The following ACAN variants were observed in gnomAD, a reference collection of about 807,000 sequenced individuals.
The protein encoded by ACAN is aggrecan core protein.
Under a neutral mutation model 169.1 loss-of-function variants are expected in ACAN, and 47 were observed. The observed-to-expected ratio is 0.28, with a 90% confidence interval of 0.22 to 0.35. The LOEUF (loss-of-function observed/expected upper bound fraction) is 0.35, where lower values mean the gene tolerates loss of function less well. Ranked by LOEUF, ACAN falls within the 10% of genes least tolerant of loss-of-function variation. The pLI, the probability that ACAN is intolerant of heterozygous loss-of-function variation, is 1.00. For synonymous variants in ACAN, 1,115 were observed against 1,112.2 expected, an observed-to-expected ratio of 1.00 and a Z score of -0.05; for missense variants, 2,716 against 2,759.9, an observed-to-expected ratio of 0.98 and a Z score of 0.36.
rs1050650239 is a variant in ACAN, at chr15:88,860,227, G to A, written c.6833-99G>A. The stretch of plus-strand genomic sequence containing the variant: ...AGTGCTGACCCAAAGCCAGCCTCGT[G>A]GACTTCAGGAACCTCATGCCCCAAC... On this transcript the variant is annotated intron_variant, in intron 12 of 18. Coordinates refer to ENST00000560601, the MANE Select transcript of ACAN (RefSeq NM_001369268.1). 5.4e-5 allele frequency: 43 copies of A among 794,158 alleles called. 2 individuals carry two copies. The South Asian group carries it at 7.7e-4, about 14-fold the overall frequency. 49.2% of individuals were successfully genotyped at this position (794,158 alleles called of 1,614,324 possible).
chr15:88,811,200 T>G (rs1895812434), intron 1 of ACAN, among the ~76,000 whole-genome samples: 1 of 152,230 alleles, frequency 6.6e-6, no homozygotes, highest in African/African-American at 2.4e-5. Flanking sequence ...TAGTTAATTT[T>G]GGGTCTCTTC....
chr15:88,858,900 C>G lies in ACAN; in HGVS notation c.6315C>G (p.Ala2105=). 6.2e-7 allele frequency: 1 copy of G among 1,609,224 alleles called. No individual in the cohort carries two copies. The highest frequency in any genetic ancestry group is 8.5e-7 in the Non-Finnish European group (1 of 1,176,648). The change falls in exon 12 of 19, where the codon GCC becomes GCG. Residue 2105 remains alanine (A), a synonymous_variant. Transcript: ENST00000560601. This position sits in a 1 kb window ranked among gnomAD's most constrained non-coding sequence, Gnocchi z 4.0. ...CAGAATCTAGCAGTGAGACGTCCGC[C>G]TATCCTGAAGCTGGGTTCGGGGCAT... ...SVPESSSETS[A]YPEAGFGASA...
chr15:88,850,481 A>G (rs1896906266), intron 10 of ACAN: 1 of 152,348 alleles, frequency 6.6e-6, no homozygotes, highest in Non-Finnish European at 1.5e-5. Flanking sequence ...GGGTGCATGG[A>G]CCAGAATGTA....
chr15:88,845,104 T>G (rs11853604), intron 6 of ACAN, among the ~76,000 whole-genome samples: 3,154 of 152,336 alleles, frequency 0.021, 99 homozygotes, highest in African/African-American at 0.07. Flanking sequence ...TGCAAGATTT[T>G]CTGATTTCTC....
Position 88,874,708 on chromosome 15 carries a change from T to C in ACAN, c.*227T>C. Reference sequence around the variant, plus strand: ...GAATGCCAAAGCAAAGCAAACTTATTATAACCCTTGGACTGAGTTTAGAGA... The same window carrying C: ...GAATGCCAAAGCAAAGCAAACTTATCATAACCCTTGGACTGAGTTTAGAGA... On this transcript the variant is annotated 3_prime_UTR_variant, in exon 19 of 19. Transcript: ENST00000560601. The surrounding 1 kb of genome is among the most constrained non-coding windows in gnomAD (Gnocchi z 7.3). 1 of 631,502 alleles carries C rather than the reference T, an allele frequency of 1.6e-6. No homozygotes were observed. 39.1% of individuals were successfully genotyped at this position (631,502 alleles called of 1,614,324 possible).
chr15:88,835,634 G>A (rs555626645), intron 1 of ACAN, among the ~76,000 whole-genome samples: 4 of 152,176 alleles, frequency 2.6e-5, no homozygotes, highest in Non-Finnish European at 5.9e-5. Flanking sequence ...AGGAAGAGCA[G>A]ATGTTTCAAT....
In ACAN at chr15:88,849,348, A is replaced by G; in HGVS notation, c.1733-90A>G. On this transcript the variant is annotated intron_variant, in intron 9 of 18. Transcript: ENST00000560601. This position sits in a 1 kb window ranked among gnomAD's most constrained non-coding sequence, Gnocchi z 5.1. ...GGGCTGGGTCTTAGCCCTGGTGAGG[A>G]GGGTTAGAGGAACTCTGTCCTGGGT... 7.7e-7 allele frequency: 1 copy of G among 1,299,506 alleles called. No homozygotes were observed. Among genetic ancestry groups the G allele is most frequent in the Non-Finnish European group, 1.0e-6 (1 of 972,722 alleles). 80.5% of individuals were successfully genotyped at this position (1,299,506 alleles called of 1,614,324 possible). A position where few individuals can be genotyped will look rare whatever the true frequency, so the allele number is the denominator to read the frequency against.
Position 88,873,122 on chromosome 15 carries a change from C to A in ACAN, c.7447+97C>A. On this transcript the variant is annotated intron_variant, in intron 17 of 18. Coordinates refer to ENST00000560601, the MANE Select transcript of ACAN (RefSeq NM_001369268.1). The surrounding 1 kb of genome is among the most constrained non-coding windows in gnomAD (Gnocchi z 7.5). ...GTGTGGCCTGGGGTGAGTCCCTTGT[C>A]TTCTGGCTGCTGGTGTCTCCTCACT... The A allele has an allele frequency of 6.9e-7, 1 of 1,439,308 alleles. No individual in the cohort carries two copies. Among genetic ancestry groups the A allele is most frequent in the Non-Finnish European group, 9.4e-7 (1 of 1,069,138 alleles). 89.2% of individuals were successfully genotyped at this position (1,439,308 alleles called of 1,614,324 possible).
At position 88,847,250 on chromosome 15, in the gene ACAN, C is replaced by A; in HGVS notation, c.1437C>A (p.Val479=). ...PGQPHLPGGV[V]FHYRPGPTRY... Reference sequence around the variant, plus strand: ...TCCCTCCTCCCCACCCAGGGGTCGTCTTCCACTACCGCCCGGGACCCACCC... The same window carrying A: ...TCCCTCCTCCCCACCCAGGGGTCGTATTCCACTACCGCCCGGGACCCACCC... The change falls in exon 8 of 19, where the codon GTC becomes GTA. Residue 479 remains valine, a synonymous_variant. Transcript: ENST00000560601. 1 of 1,547,912 alleles carries A rather than the reference C, an allele frequency of 6.5e-7. No homozygotes were observed. The highest frequency in any genetic ancestry group is 2.4e-5 in the East Asian group (1 of 41,010).
At chr15:88,844,294 C>CTTTTT (rs71149235) in intron 6 of ACAN, among the ~76,000 whole-genome samples, 2 of 104,676 alleles carry the variant, frequency 1.9e-5, no homozygotes, top group African/African-American at 7.2e-5. Context: ...CCATGCTTTG[C>CTTTTT]TTTTTTTTTT....
At chr15:88,824,140 C>G (rs1351887674) in intron 1 of ACAN, among the ~76,000 whole-genome samples, 2 of 152,028 alleles carry the variant, frequency 1.3e-5, no homozygotes, top group Non-Finnish European at 2.9e-5. Context: ...CTGGCTAACA[C>G]AGTGAAACCC....
At chr15:88,811,083 C>G (rs917897057) in intron 1 of ACAN, among the ~76,000 whole-genome samples, 1 of 152,160 alleles carries the variant, frequency 6.6e-6, no homozygotes, top group African/African-American at 2.4e-5. Context: ...TCCCTTGGTT[C>G]TCCAAGGTGG....
intron 1 of ACAN, among the ~76,000 whole-genome samples, chr15:88,820,515 T>C (rs1200268113): frequency 6.6e-6 from 1 of 152,202 alleles, no homozygotes; most frequent in African/African-American, 2.4e-5. Context: ...TTTCTAACTT[T>C]ATTTAATGCT....
At position 88,849,952 on chromosome 15, in the gene ACAN, A is replaced by T; in HGVS notation, c.2026+221A>T. The T allele has an allele frequency of 2.9e-6, 2 of 683,754 alleles. No homozygotes were observed. Among genetic ancestry groups the T allele is most frequent in the Non-Finnish European group, 5.2e-6 (2 of 385,444 alleles). The allele number at this position is 683,754 out of a possible 1,614,324, so 42.4% of individuals were successfully genotyped here. On this transcript the variant is annotated intron_variant, in intron 10 of 18. Coordinates refer to ENST00000560601, the MANE Select transcript of ACAN (RefSeq NM_001369268.1). This position sits in a 1 kb window ranked among gnomAD's most constrained non-coding sequence, Gnocchi z 5.1. ...CAGAGACAAGTAGAGATAAATAAGAACTTGAGCTGGTATTTATGTCTACTA... is the reference window on the plus strand; with the variant it reads ...CAGAGACAAGTAGAGATAAATAAGATCTTGAGCTGGTATTTATGTCTACTA...
Position 88,857,984 on chromosome 15 carries a change from C to T in ACAN, c.5399C>T (p.Ser1800Leu), listed in dbSNP as rs1897099210. ...GTCCCTGATCTCAGTGGGCAGCCTT[C>T]AGGGTTACCAGGGTTCAGTGGGGCA... is the stretch of plus-strand genomic sequence containing the variant. ...SGVPDLSGQP[S>L]GLPGFSGATS... Residue 1800 changes from serine (S) to leucine (L), a missense_variant, in exon 12 of 19, where the codon TCA becomes TTA. By Grantham distance (145) the Ser-to-Leu change is moderately radical (BLOSUM62 -2). Transcript: ENST00000560601. 6.2e-7 allele frequency: 1 copy of T among 1,613,794 alleles called. No individual in the cohort carries two copies. Among genetic ancestry groups the T allele is most frequent in the Non-Finnish European group, 8.5e-7 (1 of 1,179,896 alleles).
At chr15:88,811,395 G>T (rs538905076) in intron 1 of ACAN, among the ~76,000 whole-genome samples, 2 of 152,304 alleles carry the variant, frequency 1.3e-5, no homozygotes, top group African/African-American at 4.8e-5. Flanking sequence ...CAGGCCAAGG[G>T]GCAAGGGGAG....
At chr15:88,848,146 T>A (rs1461013032) in intron 9 of ACAN, 108 bp downstream of exon 9, 3 of 1,463,354 alleles carry the variant, frequency 2.1e-6, no homozygotes, top group Non-Finnish European at 2.8e-6. Flanking sequence ...CCACCCCTGA[T>A]TCCACCCAGC....
intron 11 of ACAN, 70 bp from the exon 12 acceptor site, chr15:88,854,781 TC>T (rs1250815483): frequency 1.5e-6 from 2 of 1,337,654 alleles, no homozygotes; most frequent in African/African-American, 3.0e-5. Flanking sequence ...GAGTTTAGAT[TC>T]TACATTTGAG....
At position 88,826,815 on chromosome 15, in the gene ACAN, C is replaced by T. The variant is rs577340304; in HGVS notation, c.-7-9385C>T. Among the ~76,000 whole-genome samples the T allele has an allele frequency of 1.3e-4, 20 of 152,224 alleles. No individual in the cohort carries two copies. In the East Asian group the frequency reaches 3.7e-3, roughly 28 times the overall value. The stretch of plus-strand genomic sequence containing the variant: ...ATATTTGTTACCTAGTATGTTGTCT[C>T]CCCCTTGAAATGTGTTTGTTGACTG... On this transcript the variant is annotated intron_variant, in intron 1 of 18. Transcript: ENST00000560601.
Sources: allele counts gnomAD v4.1 joint callset (sites outside exome capture counted in the v4.1 genomes callset), GRCh38; gene constraint gnomAD v4.1.1; non-coding constraint Gnocchi (gnomAD v3.1); transcripts MANE v1.5; gene names NCBI Gene and HGNC (gene_info 2026-07-23, HGNC 2026-07-21).